The following HS3ST4 variants were observed in gnomAD, a reference collection of about 807,000 sequenced individuals.
HS3ST4 encodes the protein heparan sulfate-glucosamine 3-sulfotransferase 4, also known as heparan sulfate glucosamine 3-O-sulfotransferase 4.
A neutral mutation model predicts 29.2 loss-of-function variants in HS3ST4; 17 were observed. The observed-to-expected ratio is 0.58, with a 90% CI of 0.40 to 0.87. HS3ST4 has a LOEUF of 0.87. Ranked by LOEUF, HS3ST4 falls within the 40% of genes least tolerant of loss-of-function variation. The pLI, the probability that HS3ST4 is intolerant of heterozygous loss-of-function variation, is 0.00. For missense variants in HS3ST4, 627 were observed against 634.5 expected, an observed-to-expected ratio of 0.99 and a Z score of 0.13; for synonymous variants, 314 against 285.7, an observed-to-expected ratio of 1.10 and a Z score of -1.00.
At chr16:26,067,482 C>T (rs548179584) in intron 1 of HS3ST4, among the ~76,000 whole-genome samples, 1 of 152,206 alleles carries the variant, frequency 6.6e-6, no homozygotes, top group East Asian at 1.9e-4. Flanking sequence ...GTTTGTGACC[C>T]TAAGTATAGC....
chr16:25,703,370 G>C (rs933235695), intron 1 of HS3ST4, among the ~76,000 whole-genome samples: 4 of 152,180 alleles, frequency 2.6e-5, no homozygotes, highest in Admixed American at 6.5e-5. Flanking sequence ...ACGTGTGCCA[G>C]GCTTGGCTCC....
intron 1 of HS3ST4, among the ~76,000 whole-genome samples, chr16:26,134,362 C>CTTTTTT (rs60068546): frequency 0.01 from 772 of 76,696 alleles, 4 homozygotes; most frequent in African/African-American, 0.021. Context: ...CTTTTCTTTT[C>CTTTTTT]TTTTTTTTTT....
chr16:25,715,166 C>CA (rs998989865), intron 1 of HS3ST4, among the ~76,000 whole-genome samples: 2 of 151,628 alleles, frequency 1.3e-5, no homozygotes, highest in South Asian at 2.1e-4. Flanking sequence ...ACTAAAAATA[C>CA]AAAAAATTAG....
At chr16:25,799,064 G>A (rs527509106) in intron 1 of HS3ST4, among the ~76,000 whole-genome samples, 1 of 152,316 alleles carries the variant, frequency 6.6e-6, no homozygotes, top group South Asian at 2.1e-4. Flanking sequence ...TACCCCGGTT[G>A]TCAAAGTCTC....
chr16:25,698,566 T>G (rs1281896676), intron 1 of HS3ST4, among the ~76,000 whole-genome samples: 3 of 152,310 alleles, frequency 2.0e-5, no homozygotes, highest in Middle Eastern at 3.4e-3. Flanking sequence ...TCCTTTTAGA[T>G]TGTTGGGAGG....
intron 1 of HS3ST4, among the ~76,000 whole-genome samples, chr16:25,759,772 TA>T (rs1470350820): frequency 1.3e-5 from 2 of 151,890 alleles, no homozygotes; most frequent in East Asian, 3.9e-4. Flanking sequence ...GAAAAAAATT[TA>T]AAAAATTAAC....
chr16:25,864,755 G>A (rs182398389), intron 1 of HS3ST4, among the ~76,000 whole-genome samples: 2 of 151,586 alleles, frequency 1.3e-5, no homozygotes, highest in East Asian at 1.9e-4. Context: ...ATTCCATTGT[G>A]TATATATATA....
At chr16:25,903,324 T>TGCATATGTATATGTATATATTATAG (rs1968139556) in intron 1 of HS3ST4, among the ~76,000 whole-genome samples, 1 of 74,298 alleles carries the variant, frequency 1.3e-5, no homozygotes, top group African/African-American at 4.6e-5. Flanking sequence ...ATATATTATA[T>TGCATATGTATATGTATATATTATAG]ATATGTATAT....
At position 25,778,024 on chromosome 16, in the gene HS3ST4, G is replaced by A. The variant is rs183018264; in HGVS notation, c.734+84873G>A. 2.5e-4 allele frequency among the ~76,000 whole-genome samples: 38 copies of A among 152,212 alleles called. No homozygotes were observed. The East Asian group carries it at 5.8e-3, about 23-fold the overall frequency. ...GGAAATAGTGTTTGATTGCTAGGTT[G>A]GGCCAGGTGGATTGGGGGTCCATGT... On this transcript the variant is annotated intron_variant, in intron 1 of 1. Coordinates refer to ENST00000331351, the MANE Select transcript of HS3ST4 (RefSeq NM_006040.3).
rs114450878 is a variant in HS3ST4, at chr16:26,004,144, A to T, written c.735-131468A>T. Among the ~76,000 whole-genome samples the T allele has an allele frequency of 3.5e-3, 536 of 152,266 alleles. 6 individuals are homozygous for T. The highest frequency in any genetic ancestry group is 0.012 in the African/African-American group (504 of 41,562). On this transcript the variant is annotated intron_variant, in intron 1 of 1. Coordinates refer to ENST00000331351, the MANE Select transcript of HS3ST4 (RefSeq NM_006040.3). ...GTGTTCATGCCACCTTGTAGTCCTA[A>T]GTCCCTGAAAAAGGTTTTCTTAAGG...
At chr16:25,789,754 C>T (rs1385431506) in intron 1 of HS3ST4, among the ~76,000 whole-genome samples, 1 of 152,094 alleles carries the variant, frequency 6.6e-6, no homozygotes, top group Non-Finnish European at 1.5e-5. Context: ...CACTACTCTC[C>T]AATAACTAGG....
chr16:25,781,179 A>C (rs1042911503), intron 1 of HS3ST4, among the ~76,000 whole-genome samples: 5 of 152,176 alleles, frequency 3.3e-5, no homozygotes, highest in African/African-American at 9.7e-5. Context: ...TGGGTCAAGA[A>C]GGAGAGGAAA....
At chr16:25,957,480 C>T (rs565391000) in intron 1 of HS3ST4, among the ~76,000 whole-genome samples, 5 of 151,942 alleles carry the variant, frequency 3.3e-5, no homozygotes, top group South Asian at 2.1e-4. Context: ...TGCAATGGCG[C>T]GATCTCCACT....
At chr16:26,108,798 T>C (rs1356920647) in intron 1 of HS3ST4, among the ~76,000 whole-genome samples, 2 of 152,210 alleles carry the variant, frequency 1.3e-5, no homozygotes, top group African/African-American at 2.4e-5. Flanking sequence ...ACAGGGACCA[T>C]GTAATATAAA....
chr16:25,801,492 A>G (rs1281500594), intron 1 of HS3ST4, among the ~76,000 whole-genome samples: 2 of 152,150 alleles, frequency 1.3e-5, no homozygotes, highest in Non-Finnish European at 2.9e-5. Context: ...ACACATTTTA[A>G]TGTTCTCTAG....
At chr16:25,755,008 C>T (rs187548997) in intron 1 of HS3ST4, among the ~76,000 whole-genome samples, 2 of 152,126 alleles carry the variant, frequency 1.3e-5, no homozygotes, top group Admixed American at 1.3e-4. Context: ...TACCCATCAT[C>T]CATCCATCTG....
At chr16:25,867,634 G>A (rs1460359545) in intron 1 of HS3ST4, among the ~76,000 whole-genome samples, 2 of 152,152 alleles carry the variant, frequency 1.3e-5, no homozygotes, top group African/African-American at 4.8e-5. Flanking sequence ...CAAGGCTAGT[G>A]AGGTATTTTC....
intron 1 of HS3ST4, among the ~76,000 whole-genome samples, chr16:26,013,033 C>T (rs754151418): frequency 1.8e-4 from 27 of 152,012 alleles, no homozygotes; most frequent in East Asian, 5.8e-4. Context: ...TGTGGTGGCG[C>T]GTGCCTGTAA....
intron 1 of HS3ST4, among the ~76,000 whole-genome samples, chr16:25,971,851 A>C (rs910522665): frequency 3.9e-5 from 6 of 152,132 alleles, no homozygotes; most frequent in Non-Finnish European, 7.4e-5. Context: ...GAATCGCTTG[A>C]ACCTGGGAGG....
Sources: gnomAD v4.1 joint callset for allele counts (sites outside exome capture counted in the v4.1 genomes callset) on GRCh38, gnomAD v4.1.1 for gene constraint, MANE v1.5 for transcripts, NCBI Gene and HGNC (gene_info 2026-07-23, HGNC 2026-07-21) for gene names.